Variants in DSCAM observed in about 807,000 individuals in gnomAD.
DSCAM encodes the protein DS cell adhesion molecule.
Under a neutral mutation model 217.7 loss-of-function variants are expected in DSCAM, and 47 were observed. That is an observed-to-expected ratio of 0.22 (90% CI 0.17 to 0.28). The LOEUF is 0.28. Ranked by LOEUF, DSCAM falls within the 10% of genes least tolerant of loss-of-function variation. The pLI is 1.00. For missense variants in DSCAM, 2,080 were observed against 2,618.3 expected, an observed-to-expected ratio of 0.79 and a Z score of 4.49; for synonymous variants, 1,056 against 1,015.3, an observed-to-expected ratio of 1.04 and a Z score of -0.76.
chr21:40,058,394 C>G (rs77290333), intron 28 of DSCAM, among the ~76,000 whole-genome samples: 11,023 of 152,114 alleles, frequency 0.072, 615 homozygotes, highest in African/African-American at 0.15. Context: ...TTATTACTCT[C>G]TAGCATATAC....
At chr21:40,343,443 G>A (rs891015883) in intron 6 of DSCAM, among the ~76,000 whole-genome samples, 1 of 152,182 alleles carries the variant, frequency 6.6e-6, no homozygotes, top group Non-Finnish European at 1.5e-5. Flanking sequence ...CACTCATTAG[G>A]TCAAGGAAGC....
At chr21:40,741,576 C>T (rs1186085096) in intron 1 of DSCAM, among the ~76,000 whole-genome samples, 3 of 151,812 alleles carry the variant, frequency 2.0e-5, no homozygotes, top group Non-Finnish European at 4.4e-5. Context: ...GAAAAGTCAC[C>T]TGTGTGTTTA....
At chr21:40,261,817 A>C (rs1447756112) in intron 11 of DSCAM, among the ~76,000 whole-genome samples, 1 of 152,114 alleles carries the variant, frequency 6.6e-6, no homozygotes, top group East Asian at 1.9e-4. Context: ...TAGAAATTTA[A>C]TGTTATGGAT....
chr21:40,226,984 A>G (rs1183808770), intron 11 of DSCAM, among the ~76,000 whole-genome samples: 1 of 152,068 alleles, frequency 6.6e-6, no homozygotes, highest in East Asian at 1.9e-4. Flanking sequence ...CCCACTTGTA[A>G]GTGAGAACAT....
At chr21:40,797,533 A>G (rs1227222248) in intron 1 of DSCAM, among the ~76,000 whole-genome samples, 2 of 152,246 alleles carry the variant, frequency 1.3e-5, no homozygotes, top group African/African-American at 2.4e-5. Flanking sequence ...ATGACATGAG[A>G]CATTTCCAAA....
At chr21:40,062,789 T>TA in intron 28 of DSCAM, 80 bp downstream of exon 28, 13 of 1,367,260 alleles carry the variant, frequency 9.5e-6, no homozygotes, top group Non-Finnish European at 1.3e-5. Context: ...CTGCCATTAT[T>TA]AAAAAAATAG....
rs55906607 is a variant in DSCAM at position 40,827,468 on chromosome 21, C to CA, written c.43+19150dup. Among the ~76,000 whole-genome samples the CA allele has an allele frequency of 6.9e-3, 392 of 57,102 alleles. 10 individuals are homozygous for CA. Among genetic ancestry groups the CA allele is most frequent in the African/African-American group, 0.02 (330 of 16,734 alleles). The allele number at this position is 57,102 out of a possible 152,430, so 37.5% of individuals were successfully genotyped here. A position where few individuals can be genotyped will look rare whatever the true frequency, so the allele number is the denominator to read the frequency against. On this transcript the variant is annotated intron_variant, in intron 1 of 32. Transcript: ENST00000400454. The stretch of plus-strand genomic sequence containing the variant: ...TAGGCCACAGAGTCAGTCCATGTCT[C>CA]AAAAAAAAAAAAAAAAAAGAAAAGA...
chr21:40,325,024 C>T (rs1409305174), intron 8 of DSCAM, among the ~76,000 whole-genome samples: 1 of 151,512 alleles, frequency 6.6e-6, no homozygotes, highest in Non-Finnish European at 1.5e-5. Context: ...CTTATTTTTC[C>T]AATTAGTTTT....
At chr21:40,461,919 C>G (rs2075809134) in intron 3 of DSCAM, among the ~76,000 whole-genome samples, 1 of 152,130 alleles carries the variant, frequency 6.6e-6, no homozygotes, top group South Asian at 2.1e-4. Context: ...CTAGCTCTGC[C>G]AACACCTTAA....
intron 3 of DSCAM, among the ~76,000 whole-genome samples, chr21:40,536,541 A>G (rs995578191): frequency 1.3e-5 from 2 of 151,674 alleles, no homozygotes; most frequent in Non-Finnish European, 2.9e-5. Context: ...AGCTGGGACT[A>G]CAGGCGCCCA....
chr21:40,030,402 G>A (rs757711284), intron 32 of DSCAM, among the ~76,000 whole-genome samples: 24 of 152,146 alleles, frequency 1.6e-4, no homozygotes, highest in Non-Finnish European at 2.9e-4. Context: ...GGGATAAAAC[G>A]TGGGAGGGGA....
chr21:40,591,970 C>A (rs1463174993), intron 3 of DSCAM, among the ~76,000 whole-genome samples: 1 of 152,176 alleles, frequency 6.6e-6, no homozygotes, highest in African/African-American at 2.4e-5. Context: ...AGCCAGGACT[C>A]TCCCCCATGG....
At chr21:40,750,615 C>T (rs1233886916) in intron 1 of DSCAM, among the ~76,000 whole-genome samples, 1 of 152,018 alleles carries the variant, frequency 6.6e-6, no homozygotes, top group East Asian at 2.0e-4. Context: ...CTTATCTAAA[C>T]TCCAAACTTC....
At chr21:40,498,711 GGGTGTATATATATA>G (rs2076144244) in intron 3 of DSCAM, among the ~76,000 whole-genome samples, 1 of 3,152 alleles carries the variant, frequency 3.2e-4, no homozygotes, top group African/African-American at 1.3e-3. Flanking sequence ...ATATATATAT[GGGTGTATATATATA>G]TGGGTGTGTG....
intron 3 of DSCAM, among the ~76,000 whole-genome samples, chr21:40,552,612 A>G (rs1320143955): frequency 1.3e-5 from 2 of 152,294 alleles, no homozygotes; most frequent in East Asian, 3.9e-4. Flanking sequence ...CAGCTATTCC[A>G]CCTGTGTGCT....
At chr21:40,488,568 G>A (rs1304705106) in intron 3 of DSCAM, among the ~76,000 whole-genome samples, 2 of 152,054 alleles carry the variant, frequency 1.3e-5, no homozygotes, top group African/African-American at 4.8e-5. Flanking sequence ...GTCAAGAAGA[G>A]GAGAAAGGCA....
intron 11 of DSCAM, among the ~76,000 whole-genome samples, chr21:40,267,358 A>G (rs1178234719): frequency 6.6e-6 from 1 of 152,110 alleles, no homozygotes; most frequent in East Asian, 1.9e-4. Context: ...TATTATCACA[A>G]GTATTACATA....
chr21:40,257,497 C>CACACACACACACAA (rs975639777), intron 11 of DSCAM, among the ~76,000 whole-genome samples: 2 of 151,594 alleles, frequency 1.3e-5, no homozygotes, highest in South Asian at 2.1e-4. Context: ...CACACACACA[C>CACACACACACACAA]AATGGCAAAC....
chr21:40,324,126 A>AG (rs2074291608), intron 8 of DSCAM, among the ~76,000 whole-genome samples: 1 of 139,654 alleles, frequency 7.2e-6, no homozygotes, highest in African/African-American at 2.9e-5. Flanking sequence ...AAAAAAAAAA[A>AG]AAAAAGAAAA....
Sources: gnomAD v4.1 joint callset for allele counts (sites outside exome capture counted in the v4.1 genomes callset) on GRCh38, gnomAD v4.1.1 for gene constraint, MANE v1.5 for transcripts, NCBI Gene and HGNC (gene_info 2026-07-23, HGNC 2026-07-21) for gene names.